ABCC1: variants seen among roughly 807,000 people sequenced by gnomAD.
The protein encoded by ABCC1 is multidrug resistance-associated protein 1.
In ABCC1, 83 loss-of-function variants were observed where a neutral mutation model predicts 172.9. The ratio of observed to expected loss-of-function variants is 0.48; its 90% confidence interval spans 0.40 to 0.58. The LOEUF (loss-of-function observed/expected upper bound fraction) is 0.58, where lower values mean the gene tolerates loss of function less well. Ranked by LOEUF, ABCC1 falls within the 20% of genes least tolerant of loss-of-function variation. ABCC1 has a pLI of 0.00. For synonymous variants in ABCC1, 937 were observed against 825.2 expected, an observed-to-expected ratio of 1.14 and a Z score of -2.32; for missense variants, 1,817 against 2,002.7, an observed-to-expected ratio of 0.91 and a Z score of 1.77.
chr16:16,050,082 CAT>C (rs1272969772), intron 10 of ABCC1, among the ~76,000 whole-genome samples: 2 of 152,148 alleles, frequency 1.3e-5, no homozygotes, highest in Non-Finnish European at 2.9e-5. Flanking sequence ...TACTTGCAGA[CAT>C]ATAGCAGCTG....
intron 21 of ABCC1, among the ~76,000 whole-genome samples, chr16:16,109,366 A>G (rs1379510861): frequency 6.6e-6 from 1 of 151,926 alleles, no homozygotes; most frequent in Non-Finnish European, 1.5e-5. Flanking sequence ...TTGTAGAGAC[A>G]GGGTCTTACT....
At chr16:15,951,950 A>G (rs928948672) in intron 1 of ABCC1, among the ~76,000 whole-genome samples, 1 of 152,164 alleles carries the variant, frequency 6.6e-6, no homozygotes, top group Non-Finnish European at 1.5e-5. Flanking sequence ...TTGGCCTCCA[A>G]AAGTGTTGAG....
intron 19 of ABCC1, among the ~76,000 whole-genome samples, chr16:16,102,184 C>G (rs2051786787): frequency 6.6e-6 from 1 of 152,040 alleles, no homozygotes; most frequent in Admixed American, 6.5e-5. Context: ...ATGGCCTTGT[C>G]AAATTGGTTA....
chr16:16,068,041 G>C (rs1417066931), intron 12 of ABCC1, 115 bp from the exon 13 acceptor site: 1 of 1,239,126 alleles, frequency 8.1e-7, no homozygotes, highest in African/African-American at 1.5e-5. Context: ...CCAGCAGCTG[G>C]TCAGTTGTGG....
rs1028073503 is a variant in ABCC1 at position 16,138,963 on chromosome 16, G to A, written c.4487+405G>A. Among the ~76,000 whole-genome samples, 7 of 152,298 alleles carry A rather than the reference G, an allele frequency of 4.6e-5. No homozygotes were observed. The East Asian group carries it at 1.4e-3, about 29-fold the overall frequency. On this transcript the variant is annotated intron_variant, in intron 30 of 30. Coordinates refer to ENST00000399410, the MANE Select transcript of ABCC1 (RefSeq NM_004996.4). Reference sequence around the variant, plus strand: ...GACCTCAGGCGATCTGCCCGCCTCCGCCTCCCAAATTGCTGGGATTACAGG... The same window carrying A: ...GACCTCAGGCGATCTGCCCGCCTCCACCTCCCAAATTGCTGGGATTACAGG...
At position 16,090,442 on chromosome 16, in the gene ABCC1, C is replaced by T. The variant is rs760781144; in HGVS notation, c.2498C>T (p.Pro833Leu). 15 of 1,612,022 alleles carry T rather than the reference C, an allele frequency of 9.3e-6. No individual in the cohort carries two copies. The highest frequency in any genetic ancestry group is 6.7e-5 in the East Asian group (3 of 44,858). Residue 833 changes from proline to leucine, a missense_variant, in exon 19 of 31, where the codon CCG becomes CTG. By Grantham distance (98) the Pro-to-Leu change is moderately conservative. Around this residue, in one of 3 missense-constraint regions of ABCC1, gnomAD observed 1,412 missense variants for 1,600.3 expected, o/e 0.88. Coordinates refer to ENST00000399410, the MANE Select transcript of ABCC1 (RefSeq NM_004996.4). Reference sequence around the variant, plus strand: ...GTCACGCACAGCATGAGCTACTTGCCGCAGGTGGACGTCATCATCGTCATG... The same window carrying T: ...GTCACGCACAGCATGAGCTACTTGCTGCAGGTGGACGTCATCATCGTCATG... The part of the protein sequence containing the change: ...ILVTHSMSYL[P>L]QVDVIIVMSG...
At chr16:16,132,893 T>G (rs1400623860) in intron 27 of ABCC1, among the ~76,000 whole-genome samples, 2 of 152,162 alleles carry the variant, frequency 1.3e-5, no homozygotes, top group Non-Finnish European at 2.9e-5. Flanking sequence ...ATTTTCTGCT[T>G]TTTTTGGAAG....
intron 10 of ABCC1, among the ~76,000 whole-genome samples, chr16:16,049,257 C>T (rs1202210036): frequency 6.6e-6 from 1 of 152,158 alleles, no homozygotes; most frequent in Non-Finnish European, 1.5e-5. Context: ...CAGCCAGAGT[C>T]AGTCTCAGAG....
chr16:16,026,895 C>T (rs1035800244), intron 5 of ABCC1, among the ~76,000 whole-genome samples: 6 of 152,010 alleles, frequency 3.9e-5, no homozygotes, highest in African/African-American at 7.3e-5. Context: ...CCAGCCTGGG[C>T]GACAGAGTGA....
chr16:16,084,400 G>A (rs932986582), intron 17 of ABCC1, among the ~76,000 whole-genome samples: 1 of 136,566 alleles, frequency 7.3e-6, no homozygotes, highest in African/African-American at 2.8e-5. Context: ...GTCTCTCTCT[G>A]TCGCCCAGGC....
At chr16:15,989,655 T>G (rs2046815787) in intron 1 of ABCC1, among the ~76,000 whole-genome samples, 2 of 152,082 alleles carry the variant, frequency 1.3e-5, no homozygotes, top group Non-Finnish European at 2.9e-5. Flanking sequence ...CTTGGTTGGT[T>G]GTGCAGAAGA....
chr16:16,046,258 A>C (rs1252417683), intron 9 of ABCC1, among the ~76,000 whole-genome samples: 4 of 152,076 alleles, frequency 2.6e-5, no homozygotes, highest in African/African-American at 7.2e-5. Flanking sequence ...AGTTTCTTAG[A>C]TGGATCAGTG....
chr16:16,024,109 C>T (rs2048287821), intron 5 of ABCC1, among the ~76,000 whole-genome samples: 1 of 152,132 alleles, frequency 6.6e-6, no homozygotes, highest in South Asian at 2.1e-4. Flanking sequence ...ATCCCAGCTA[C>T]TCGGGAGGCT....
intron 22 of ABCC1, among the ~76,000 whole-genome samples, chr16:16,114,401 C>T (rs375494541): frequency 6.0e-5 from 9 of 151,184 alleles, no homozygotes; most frequent in South Asian, 2.1e-4. Flanking sequence ...GTGGAGTGGA[C>T]GCAGTCTTGG....
At position 16,090,572 on chromosome 16, in the gene ABCC1, G is replaced by A; in HGVS notation, c.2628G>A (p.Gln876=). The A allele has an allele frequency of 1.2e-6, 2 of 1,601,170 alleles. No homozygotes were observed. The highest frequency in any genetic ancestry group is 8.5e-7 in the Non-Finnish European group (1 of 1,171,120). ...LRTYASTEQE[Q]DAEENGVTGV... is the part of the protein sequence containing the mutation. The stretch of plus-strand genomic sequence containing the variant: ...CCTATGCCAGCACAGAGCAGGAGCA[G>A]GATGCAGAGGAGAACGGTAGGGGCA... Residue 876 remains glutamine (Q), a synonymous_variant, in exon 19 of 31, where the codon CAG becomes CAA. Coordinates refer to ENST00000399410, the MANE Select transcript of ABCC1 (RefSeq NM_004996.4).
chr16:16,136,632 G>T lies in ABCC1; in HGVS notation c.4280G>T (p.Gly1427Val). Residue 1427 changes from glycine to valine, a missense_variant, in exon 29 of 31, where the codon GGG (glycine) becomes GTG (valine). Physicochemically the swap from Gly to Val is moderately radical, Grantham distance 109. This residue lies in a region of ABCC1 where 1,412 missense variants were observed against 1,600.3 expected (regional missense o/e 0.88). Transcript: ENST00000399410. ...DKLDHECAEG[G>V]ENLSVGQRQL... Reference sequence around the variant, plus strand: ...CTAGACCATGAATGTGCAGAAGGCGGGGAGAACCTCAGGTAGGCGGGGGTG... The same window carrying T: ...CTAGACCATGAATGTGCAGAAGGCGTGGAGAACCTCAGGTAGGCGGGGGTG... 6.2e-7 allele frequency: 1 copy of T among 1,614,050 alleles called. No individual in the cohort carries two copies.
chr16:16,021,758 T>A (rs978464155), intron 5 of ABCC1, among the ~76,000 whole-genome samples: 3 of 152,090 alleles, frequency 2.0e-5, no homozygotes, highest in Admixed American at 2.0e-4. Flanking sequence ...ACCACATAAC[T>A]ACCTAGCAAC....
At chr16:16,135,550 G>T (rs1199237785) in intron 28 of ABCC1, among the ~76,000 whole-genome samples, 1 of 152,052 alleles carries the variant, frequency 6.6e-6, no homozygotes, top group Non-Finnish European at 1.5e-5. Context: ...GCACCTCCTG[G>T]GTTCAAGCGA....
At chr16:16,130,197 A>G (rs1166275389) in intron 26 of ABCC1, among the ~76,000 whole-genome samples, 1 of 152,188 alleles carries the variant, frequency 6.6e-6, no homozygotes, top group Non-Finnish European at 1.5e-5. Flanking sequence ...TGAGGATTGG[A>G]TGAGACACTG....
Sources: allele counts gnomAD v4.1 joint callset (sites outside exome capture counted in the v4.1 genomes callset), GRCh38; gene constraint gnomAD v4.1.1; regional missense constraint gnomAD v4.1.1; transcripts MANE v1.5; gene names NCBI Gene and HGNC (gene_info 2026-07-23, HGNC 2026-07-21).